The following CYLC2 variants were observed in gnomAD, a reference collection of about 807,000 sequenced individuals.
CYLC2 encodes the protein cylicin 2.
Under a neutral mutation model 26.1 loss-of-function variants are expected in CYLC2, and 30 were observed. That is an observed-to-expected ratio of 1.15 (90% CI 0.86 to 1.56). CYLC2 has a LOEUF of 1.56. CYLC2 is among the 40% of genes most tolerant of loss of function. The pLI is 0.00. For synonymous variants in CYLC2, 158 were observed against 132.8 expected (o/e 1.19, Z -1.31); for missense variants, 498 against 394.4 (o/e 1.26, Z -2.23).
Position 103,005,819 on chromosome 9 carries a change from A to G in CYLC2, c.*141A>G. On this transcript the variant is annotated 3_prime_UTR_variant, in exon 5 of 8. Coordinates refer to ENST00000374798, the MANE Select transcript of CYLC2 (RefSeq NM_001340.5). ...TTTTTAAAAGGTGGTAAAGAAGGAT[A>G]CAAAGGAGAACTCAGCAGAGATTTA... is the stretch of plus-strand genomic sequence containing the variant. The G allele has an allele frequency of 1.1e-6, 1 of 877,562 alleles. No homozygotes were observed. Among genetic ancestry groups the G allele is most frequent in the Middle Eastern group, 3.6e-4 (1 of 2,756 alleles). 54.4% of individuals were successfully genotyped at this position (877,562 alleles called of 1,614,324 possible).
At chr9:102,997,867 A>G (rs1197184635) in intron 1 of CYLC2, among the ~76,000 whole-genome samples, 2 of 152,024 alleles carry the variant, frequency 1.3e-5, no homozygotes, top group African/African-American at 4.8e-5. Flanking sequence ...ACTTGGTTAA[A>G]GGTTTACCCC....
At chr9:102,999,469 T>C (rs1829267438) in intron 1 of CYLC2, among the ~76,000 whole-genome samples, 2 of 151,880 alleles carry the variant, frequency 1.3e-5, no homozygotes, top group Non-Finnish European at 3.0e-5. Context: ...TTAGTGCTTT[T>C]ATTGCTTTAT....
rs911245125 is a variant in CYLC2, at chr9:103,011,972, T to C, written c.*701-10T>C. ...CTTTTTTTTTTTTTTTTTTTTTTTT[T>C]TTGATCGAGTCTCGCTCTGTTGCCC... On this transcript the variant is annotated splice_polypyrimidine_tract_variant and intron_variant, in intron 5 of 7. Coordinates refer to ENST00000374798, the MANE Select transcript of CYLC2 (RefSeq NM_001340.5). The C allele has an allele frequency of 4.2e-5, 6 of 142,684 alleles. No individual in the cohort carries two copies. Among genetic ancestry groups the C allele is most frequent in the Non-Finnish European group, 9.1e-5 (6 of 66,118 alleles). The allele number at this position is 142,684 out of a possible 1,614,324, so 8.8% of individuals were successfully genotyped here. A position where few individuals can be genotyped will look rare whatever the true frequency, so the allele number is the denominator to read the frequency against.
intron 2 of CYLC2, 96 bp downstream of exon 2, chr9:103,001,714 G>A (rs1829291154): frequency 5.3e-6 from 4 of 753,262 alleles, no homozygotes; most frequent in Middle Eastern, 5.2e-4. Flanking sequence ...ACATTGCCAT[G>A]GAATAAAATT....
At chr9:103,013,645 TA>T (rs530848510) in intron 6 of CYLC2, among the ~76,000 whole-genome samples, 1,205 of 112,878 alleles carry the variant, frequency 0.011, 26 homozygotes, top group African/African-American at 0.042. Context: ...TATATTTATA[TA>T]AAAATATAAA....
chr9:102,995,478 A>C (rs2118215248), intron 1 of CYLC2, 81 bp downstream of exon 1: 2 of 973,212 alleles, frequency 2.1e-6, no homozygotes, highest in South Asian at 2.6e-5. Context: ...AGAGATATTT[A>C]TTATATTATT....
chr9:102,995,637 T>C (rs1442904219), intron 1 of CYLC2, among the ~76,000 whole-genome samples: 1 of 151,952 alleles, frequency 6.6e-6, no homozygotes, highest in Admixed American at 6.6e-5. Context: ...TTTGTTTGTT[T>C]TTTTACTGCT....
intron 1 of CYLC2, among the ~76,000 whole-genome samples, chr9:102,995,928 T>C (rs1829232798): frequency 6.6e-6 from 1 of 151,846 alleles, no homozygotes; most frequent in Non-Finnish European, 1.5e-5. Flanking sequence ...ATGTAAAGCA[T>C]ATAATCCAGA....
intron 6 of CYLC2, among the ~76,000 whole-genome samples, chr9:103,012,939 A>G (rs1477284800): frequency 5.3e-5 from 8 of 150,844 alleles, no homozygotes; most frequent in Non-Finnish European, 8.9e-5. Context: ...GCATTCGGAA[A>G]AAAAGTTAAA....
chr9:102,995,780 G>T (rs1829230923), intron 1 of CYLC2, among the ~76,000 whole-genome samples: 1 of 151,836 alleles, frequency 6.6e-6, no homozygotes, highest in South Asian at 2.1e-4. Flanking sequence ...ACTGAGGAGT[G>T]TGACTGAATT....
chr9:103,014,117 TTTATA>T (rs1216524214), intron 6 of CYLC2, among the ~76,000 whole-genome samples: 2 of 120,670 alleles, frequency 1.7e-5, no homozygotes, highest in African/African-American at 3.3e-5. Context: ...ATAAATATAT[TTTATA>T]TTATATTATA....
At chr9:103,015,419 TA>T (rs1829491977) in intron 6 of CYLC2, among the ~76,000 whole-genome samples, 1 of 134,504 alleles carries the variant, frequency 7.4e-6, no homozygotes, top group Non-Finnish European at 1.6e-5. Flanking sequence ...TATTATATAT[TA>T]TAATTATATA....
Position 103,005,718 on chromosome 9 carries a change from G to T in CYLC2, c.*40G>T, listed in dbSNP as rs567806323. 4 of 1,560,856 alleles carry T rather than the reference G, an allele frequency of 2.6e-6. No homozygotes were observed. The Admixed American group carries it at 5.9e-5, about 23-fold the overall frequency. On this transcript the variant is annotated 3_prime_UTR_variant, in exon 5 of 8. Transcript: ENST00000374798. The stretch of plus-strand genomic sequence containing the variant: ...TTTGAACCGAAAGAATAATTCAAAA[G>T]CATATTTGATGAAACAATAGTGGTA...
chr9:102,995,947 G>A (rs901671740), intron 1 of CYLC2, among the ~76,000 whole-genome samples: 3 of 151,816 alleles, frequency 2.0e-5, no homozygotes, highest in African/African-American at 7.2e-5. Context: ...GACATGAGAA[G>A]TTATATGACA....
Position 103,004,858 on chromosome 9 carries a change from A to T in CYLC2, c.337+7A>T, listed in dbSNP as rs747277899. On this transcript the variant is annotated splice_region_variant and intron_variant, in intron 4 of 7. Transcript: ENST00000374798. ...GTGGATTCTAAAGCAGCAGGTAGAG[A>T]TAACTTACTGTTTTTATAGTATCTC... 2 of 1,605,484 alleles carry T rather than the reference A, an allele frequency of 1.2e-6. No individual in the cohort carries two copies. Among genetic ancestry groups the T allele is most frequent in the South Asian group, 2.3e-5 (2 of 88,810 alleles).
chr9:103,015,747 T>A (rs1046606032), intron 6 of CYLC2, among the ~76,000 whole-genome samples: 2 of 149,646 alleles, frequency 1.3e-5, no homozygotes, highest in Non-Finnish European at 3.0e-5. Flanking sequence ...TTATAAAATG[T>A]GTTTCTTACA....
intron 1 of CYLC2, among the ~76,000 whole-genome samples, chr9:102,996,658 A>T (rs775312540): frequency 6.6e-6 from 1 of 151,784 alleles, no homozygotes; most frequent in Non-Finnish European, 1.5e-5. Context: ...TTAATTTTCG[A>T]CTCCATTTGT....
chr9:103,015,392 TA>T (rs1490756984), intron 6 of CYLC2, among the ~76,000 whole-genome samples: 2 of 58,608 alleles, frequency 3.4e-5, no homozygotes, highest in African/African-American at 1.4e-4. Context: ...ATTAAATATA[TA>T]TATATGCTTA....
At chr9:103,002,632 G>A (rs1302261768) in intron 2 of CYLC2, among the ~76,000 whole-genome samples, 2 of 151,990 alleles carry the variant, frequency 1.3e-5, no homozygotes, top group Non-Finnish European at 2.9e-5. Context: ...GATTACAGGC[G>A]TGAGCCACCG....
Sources: gnomAD v4.1 joint callset for allele counts (sites outside exome capture counted in the v4.1 genomes callset) on GRCh38, gnomAD v4.1.1 for gene constraint, MANE v1.5 for transcripts, NCBI Gene and HGNC (gene_info 2026-07-23, HGNC 2026-07-21) for gene names.